GLCCI1: variants seen among roughly 807,000 people sequenced by gnomAD.
GLCCI1 encodes the protein glucocorticoid-induced transcript 1 protein.
In GLCCI1, 24 loss-of-function variants were observed where a neutral mutation model predicts 52.2. The observed-to-expected ratio is 0.46, with a 90% CI of 0.33 to 0.65. The LOEUF is 0.65. Among genes scored for constraint, GLCCI1 ranks in the 30% least tolerant of loss-of-function variants. GLCCI1 has a pLI of 0.02. For missense variants in GLCCI1, 704 were observed against 701.5 expected, an observed-to-expected ratio of 1.00 and a Z score of -0.04; for synonymous variants, 310 against 276.5, an observed-to-expected ratio of 1.12 and a Z score of -1.20.
intron 6 of GLCCI1, among the ~76,000 whole-genome samples, chr7:8,079,666 A>G (rs1426015516): frequency 1.3e-5 from 2 of 151,566 alleles, no homozygotes; most frequent in Non-Finnish European, 2.9e-5. Flanking sequence ...CACAAAAACA[A>G]AAGAGTAACT....
Position 8,008,829 on chromosome 7 carries a change from G to C in GLCCI1, c.609+4770G>C, listed in dbSNP as rs111692901. ...TGGGTGGATACCTAGATAGATAGCT[G>C]GTGGAGTAAATAGAGCAAAATGTTA... is the stretch of plus-strand genomic sequence containing the variant. On this transcript the variant is annotated intron_variant, in intron 2 of 7. Transcript: ENST00000223145. Among the ~76,000 whole-genome samples the C allele has an allele frequency of 2.6e-4, 39 of 152,226 alleles. 1 individual carries two copies. The highest frequency in any genetic ancestry group is 5.8e-4 in the African/African-American group (24 of 41,544).
intron 6 of GLCCI1, among the ~76,000 whole-genome samples, chr7:8,072,347 T>C (rs1242336735): frequency 6.6e-6 from 1 of 152,170 alleles, no homozygotes; most frequent in Admixed American, 6.5e-5. Context: ...TGGGTAGATC[T>C]TAACAGTTCT....
intron 1 of GLCCI1, among the ~76,000 whole-genome samples, chr7:7,986,806 G>A (rs1780743317): frequency 1.3e-5 from 2 of 152,160 alleles, no homozygotes; most frequent in African/African-American, 2.4e-5. Flanking sequence ...GACCTAGAGT[G>A]TCATTGGATT....
chr7:8,071,222 T>C, intron 6 of GLCCI1, 91 bp downstream of exon 6: 3 of 983,942 alleles, frequency 3.0e-6, no homozygotes, highest in Non-Finnish European at 4.6e-6. Context: ...TTTTTTCTTT[T>C]GTTCAATGGT....
chr7:7,995,728 A>C (rs2115420049), intron 1 of GLCCI1, among the ~76,000 whole-genome samples: 1 of 152,272 alleles, frequency 6.6e-6, no homozygotes, highest in East Asian at 1.9e-4. Context: ...AGGAAGGGGA[A>C]CATCACACAC....
At chr7:8,076,460 C>T (rs1782878895) in intron 6 of GLCCI1, among the ~76,000 whole-genome samples, 2 of 152,062 alleles carry the variant, frequency 1.3e-5, no homozygotes, top group South Asian at 4.2e-4. Flanking sequence ...GTCATTTTAC[C>T]TGTCTTTCAA....
intron 6 of GLCCI1, among the ~76,000 whole-genome samples, chr7:8,075,352 A>G (rs1206933228): frequency 1.3e-5 from 2 of 152,220 alleles, no homozygotes; most frequent in Non-Finnish European, 2.9e-5. Context: ...TAAAGTTTCC[A>G]GGCTAACTAA....
chr7:7,986,625 T>G (rs1780738896), intron 1 of GLCCI1, among the ~76,000 whole-genome samples: 1 of 152,192 alleles, frequency 6.6e-6, no homozygotes, highest in Admixed American at 6.5e-5. Context: ...AATTGCAAGT[T>G]TGAGTCATGT....
At chr7:8,049,830 G>A (rs1277009968) in intron 3 of GLCCI1, among the ~76,000 whole-genome samples, 1 of 152,084 alleles carries the variant, frequency 6.6e-6, no homozygotes, top group African/African-American at 2.4e-5. Context: ...CTGTAGAACT[G>A]GATTTGCCAT....
At chr7:8,005,073 G>A (rs1390270698) in intron 2 of GLCCI1, among the ~76,000 whole-genome samples, 2 of 152,110 alleles carry the variant, frequency 1.3e-5, no homozygotes, top group Admixed American at 1.3e-4. Context: ...TTCATTTAGT[G>A]AGGAAGAGGA....
chr7:8,078,078 C>CA (rs1176370737), intron 6 of GLCCI1, among the ~76,000 whole-genome samples: 2 of 151,712 alleles, frequency 1.3e-5, no homozygotes, highest in Admixed American at 6.6e-5. Context: ...ACTAAAAATA[C>CA]AAAAAATGAG....
chr7:8,029,497 GAAAAA>G, intron 3 of GLCCI1, among the ~76,000 whole-genome samples: 1 of 151,924 alleles, frequency 6.6e-6, no homozygotes, highest in South Asian at 2.1e-4. Context: ...GCTGAATAGG[GAAAAA>G]GAAAAGAAGG....
chr7:7,975,502 G>A (rs980281430), intron 1 of GLCCI1, among the ~76,000 whole-genome samples: 1 of 152,192 alleles, frequency 6.6e-6, no homozygotes, highest in East Asian at 1.9e-4. Context: ...CAGATCCAGT[G>A]TTCATTCCAT....
At chr7:8,030,029 C>T (rs1766488252) in intron 3 of GLCCI1, among the ~76,000 whole-genome samples, 2 of 152,032 alleles carry the variant, frequency 1.3e-5, no homozygotes, top group South Asian at 4.1e-4. Context: ...TGAAATTCTT[C>T]ACAGAAATGA....
rs949349148 is a variant in GLCCI1 at position 8,088,556 on chromosome 7, G to T, written c.*2018G>T. The T allele has an allele frequency of 6.6e-6, 1 of 152,518 alleles. No individual in the cohort carries two copies. Among genetic ancestry groups the T allele is most frequent in the Admixed American group, 6.5e-5 (1 of 15,272 alleles). 9.4% of individuals were successfully genotyped at this position (152,518 alleles called of 1,614,324 possible). ...TTAAAGGGGGAAAATTACTAGTTCC[G>T]TAAGATAAATATGAGCTCCATTTGA... On this transcript the variant is annotated 3_prime_UTR_variant, in exon 8 of 8. Coordinates refer to ENST00000223145, the MANE Select transcript of GLCCI1 (RefSeq NM_138426.4).
In GLCCI1 at chr7:8,028,538, A is replaced by G. The variant is rs1200962920; in HGVS notation, c.696+5969A>G. On this transcript the variant is annotated intron_variant, in intron 3 of 7. Transcript: ENST00000223145. ...AAAACTTCAAATAAATAACCTAACA[A>G]TGCATCTTAAAAAGCAGCAAAAGCA... Among the ~76,000 whole-genome samples the G allele has an allele frequency of 3.3e-5, 5 of 152,174 alleles. No homozygotes were observed. In the South Asian group the frequency reaches 8.3e-4, roughly 25 times the overall value.
rs1358604975 is a variant in GLCCI1, at chr7:8,086,853, T to A, written c.*315T>A. 1 of 226,262 alleles carries A rather than the reference T, an allele frequency of 4.4e-6. No homozygotes were observed. Among genetic ancestry groups the A allele is most frequent in the African/African-American group, 2.3e-5 (1 of 43,956 alleles). The allele number at this position is 226,262 out of a possible 1,614,324, so 14.0% of individuals were successfully genotyped here. On this transcript the variant is annotated 3_prime_UTR_variant, in exon 8 of 8. Coordinates refer to ENST00000223145, the MANE Select transcript of GLCCI1 (RefSeq NM_138426.4). The surrounding 1 kb of genome is among the most constrained non-coding windows in gnomAD (Gnocchi z 4.4). ...TTCTTCAGTATAAATAAGCTCTATA[T>A]CAAAAAGTTGCCTGTCTAAATAGAA... is the stretch of plus-strand genomic sequence containing the variant.
intron 3 of GLCCI1, chr7:8,024,632 A>G (rs1458953792): frequency 6.6e-6 from 1 of 152,238 alleles, no homozygotes; most frequent in Non-Finnish European, 1.5e-5. Flanking sequence ...TAATTTAACT[A>G]TAACTGGATT....
chr7:7,970,389 G>GC (rs1562410588), intron 1 of GLCCI1: 1 of 58,980 alleles, frequency 1.7e-5, no homozygotes, highest in Admixed American at 2.0e-4. Flanking sequence ...CTCTCCCCCA[G>GC]CCCCCCGCCA....
Sources: allele counts gnomAD v4.1 joint callset (sites outside exome capture counted in the v4.1 genomes callset), GRCh38; gene constraint gnomAD v4.1.1; non-coding constraint Gnocchi (gnomAD v3.1); transcripts MANE v1.5; gene names NCBI Gene and HGNC (gene_info 2026-07-23, HGNC 2026-07-21).